ZPLD1: variants seen among roughly 807,000 people sequenced by gnomAD.
ZPLD1 encodes zona pellucida like domain containing 1, also known as zona pellucida-like domain-containing protein 1.
Under a neutral mutation model 47.2 loss-of-function variants are expected in ZPLD1, and 34 were observed. That is an observed-to-expected ratio of 0.72 (90% CI 0.55 to 0.96). The LOEUF (loss-of-function observed/expected upper bound fraction) is 0.96. ZPLD1 is among the 40% of genes least tolerant of loss of function. ZPLD1 has a pLI of 0.00. For missense variants in ZPLD1, 512 were observed against 505.8 expected (o/e 1.01, Z -0.12); for synonymous variants, 176 against 186.2 (o/e 0.95, Z 0.45).
At chr3:102,390,818 G>A (rs1706486903) in intron 6 of ZPLD1, among the ~76,000 whole-genome samples, 1 of 152,120 alleles carries the variant, frequency 6.6e-6, no homozygotes, top group Non-Finnish European at 1.5e-5. Flanking sequence ...ATCCCAACAT[G>A]TGAGAGATTA....
chr3:102,456,183 A>T lies in ZPLD1; in HGVS notation c.328-10A>T. On this transcript the variant is annotated splice_polypyrimidine_tract_variant and intron_variant, in intron 4 of 11. Transcript: ENST00000466937. ...ATTTAATCATTAAACTGCATCTAAC[A>T]TTCTAACAGGTATCCACAATTCCTG... 1 of 1,607,650 alleles carries T rather than the reference A, an allele frequency of 6.2e-7. No individual in the cohort carries two copies. Among genetic ancestry groups the T allele is most frequent in the East Asian group, 2.2e-5 (1 of 44,734 alleles).
rs1008419624 is a variant in ZPLD1, at chr3:102,477,019, T to A, written c.1050T>A (p.Thr350=). 6.2e-7 allele frequency: 1 copy of A among 1,613,548 alleles called. No individual in the cohort carries two copies. The highest frequency in any genetic ancestry group is 1.7e-5 in the Admixed American group (1 of 59,968). The part of the protein sequence containing the change: ...AGPIITRSDE[T]PTNNSQLGSP... ...TCTGTTTTTTCCCCTCAGATGAGAC[T>A]CCAACCAACAATTCGCAACTTGGTA... The change falls in exon 11 of 12, where the codon ACT becomes ACA. Residue 350 remains threonine, a synonymous_variant. Coordinates refer to ENST00000466937, the MANE Select transcript of ZPLD1 (RefSeq NM_001329788.2).
At chr3:102,439,410 A>G (rs1707141630) in intron 3 of ZPLD1, among the ~76,000 whole-genome samples, 1 of 152,220 alleles carries the variant, frequency 6.6e-6, no homozygotes, top group South Asian at 2.1e-4. Context: ...AACAGAGCCC[A>G]CATCAGAAAT....
chr3:102,435,637 A>ATTTTT (rs60085952), intron 1 of ZPLD1, among the ~76,000 whole-genome samples: 5 of 117,368 alleles, frequency 4.3e-5, no homozygotes, highest in Admixed American at 9.0e-5. Context: ...CATCATCTTG[A>ATTTTT]TTTTTTTTTT....
chr3:102,448,071 G>A (rs1294990798), intron 3 of ZPLD1, among the ~76,000 whole-genome samples: 5 of 152,084 alleles, frequency 3.3e-5, no homozygotes, highest in African/African-American at 7.2e-5. Context: ...ACCATTGCCC[G>A]ATAGATGGAC....
upstream of ZPLD1, among the ~76,000 whole-genome samples, chr3:102,432,407 G>A (rs1707026917): frequency 6.6e-6 from 1 of 152,176 alleles, no homozygotes; most frequent in African/African-American, 2.4e-5. Flanking sequence ...TAGTTTAGTG[G>A]GGAAAAGTGC....
At chr3:102,419,934 G>A (rs999303898) in intron 8 of ZPLD1, among the ~76,000 whole-genome samples, 3 of 146,460 alleles carry the variant, frequency 2.0e-5, no homozygotes, top group Admixed American at 6.9e-5. Flanking sequence ...AAGCTGGAAT[G>A]TAAAGTAGGT....
At chr3:102,433,581 G>T (rs1707043451), upstream of ZPLD1, among the ~76,000 whole-genome samples, 1 of 152,244 alleles carries the variant, frequency 6.6e-6, no homozygotes, top group African/African-American at 2.4e-5. Context: ...AGGCTGGAGT[G>T]CAGTGGCGTG....
upstream of ZPLD1, among the ~76,000 whole-genome samples, chr3:102,431,798 A>G (rs1294962430): frequency 1.3e-5 from 2 of 152,310 alleles, no homozygotes; most frequent in East Asian, 3.9e-4. Context: ...AATCCCAGCT[A>G]CTCAGGAGGC....
rs1451354264 is a variant in ZPLD1 at position 102,478,035 on chromosome 3, G to C, written c.*417G>C. On this transcript the variant is annotated 3_prime_UTR_variant, in exon 12 of 12. Transcript: ENST00000466937. ...CACACGTGGTCCTAGAATAAATGTTGCTTTTTGTTTTAATCCGGATATTCC... is the reference window on the plus strand; with the variant it reads ...CACACGTGGTCCTAGAATAAATGTTCCTTTTTGTTTTAATCCGGATATTCC... The C allele has an allele frequency of 6.5e-6, 1 of 153,066 alleles. No homozygotes were observed. The highest frequency in any genetic ancestry group is 1.5e-5 in the Non-Finnish European group (1 of 68,734). 9.5% of individuals were successfully genotyped at this position (153,066 alleles called of 1,614,324 possible).
chr3:102,417,851 A>T (rs1319610521), intron 7 of ZPLD1, among the ~76,000 whole-genome samples: 1 of 151,808 alleles, frequency 6.6e-6, no homozygotes, highest in African/African-American at 2.4e-5. Flanking sequence ...CGACATCTGT[A>T]CAGTATAAAA....
upstream of ZPLD1, among the ~76,000 whole-genome samples, chr3:102,431,247 A>G (rs1176728746): frequency 1.3e-5 from 2 of 152,216 alleles, no homozygotes; most frequent in Non-Finnish European, 2.9e-5. Context: ...TTTTTCTCTT[A>G]GGAGCAGCCT....
intron 7 of ZPLD1, among the ~76,000 whole-genome samples, chr3:102,412,752 A>G (rs1260053861): frequency 6.6e-6 from 1 of 151,732 alleles, no homozygotes; most frequent in Non-Finnish European, 1.5e-5. Context: ...TGAGCTCTGT[A>G]GCAGGTTTAC....
chr3:102,413,836 A>G (rs1031330424), intron 7 of ZPLD1, among the ~76,000 whole-genome samples: 1 of 151,932 alleles, frequency 6.6e-6, no homozygotes, highest in Non-Finnish European at 1.5e-5. Flanking sequence ...CATGAGCAGC[A>G]TATAAAATTT....
intron 6 of ZPLD1, among the ~76,000 whole-genome samples, chr3:102,390,586 G>C (rs1405367682): frequency 6.6e-6 from 1 of 152,200 alleles, no homozygotes; most frequent in Admixed American, 6.5e-5. Context: ...AAGCCTGTCA[G>C]TTCCTCTACA....
intron 5 of ZPLD1, among the ~76,000 whole-genome samples, chr3:102,456,758 A>G (rs1028035600): frequency 2.6e-5 from 4 of 152,118 alleles, no homozygotes; most frequent in African/African-American, 9.7e-5. Flanking sequence ...TGTGTACGAC[A>G]TTTGGTAACT....
At chr3:102,452,663 C>T (rs1056508871) in intron 3 of ZPLD1, among the ~76,000 whole-genome samples, 13 of 152,118 alleles carry the variant, frequency 8.5e-5, no homozygotes, top group Non-Finnish European at 1.9e-4. Context: ...AATGTACATC[C>T]ACTGGACATC....
At chr3:102,465,126 A>G (rs1707570849) in intron 8 of ZPLD1, among the ~76,000 whole-genome samples, 1 of 152,252 alleles carries the variant, frequency 6.6e-6, no homozygotes, top group African/African-American at 2.4e-5. Flanking sequence ...TATGTATCAA[A>G]ATACTTAAAA....
intron 3 of ZPLD1, among the ~76,000 whole-genome samples, chr3:102,445,703 G>T (rs1278821035): frequency 6.6e-6 from 1 of 152,158 alleles, no homozygotes; most frequent in African/African-American, 2.4e-5. Flanking sequence ...ATGATAGTCT[G>T]CTAGCTTTAT....
Sources: allele counts gnomAD v4.1 joint callset (sites outside exome capture counted in the v4.1 genomes callset), GRCh38; gene constraint gnomAD v4.1.1; transcripts MANE v1.5; gene names NCBI Gene and HGNC (gene_info 2026-07-23, HGNC 2026-07-21).